MTUS2: variants seen among roughly 807,000 people sequenced by gnomAD.
MTUS2 encodes microtubule associated scaffold protein 2.
MTUS2 carries 40 observed loss-of-function variants against 114.1 expected under a neutral mutation model. The observed-to-expected ratio is 0.35, with a 90% confidence interval of 0.27 to 0.46. MTUS2 has a LOEUF of 0.46. Ranked by LOEUF, MTUS2 falls within the 20% of genes least tolerant of loss-of-function variation. The probability of loss-of-function intolerance (pLI) is 1.00; values close to 1 mark genes in which losing one functional copy is unlikely to be tolerated. For missense variants in MTUS2, 1,679 were observed against 1,705.4 expected (o/e 0.98, Z 0.27); for synonymous variants, 688 against 672.0 (o/e 1.02, Z -0.37).
intron 2 of MTUS2, among the ~76,000 whole-genome samples, chr13:28,881,001 A>G (rs763439519): frequency 2.2e-4 from 33 of 152,084 alleles, no homozygotes; most frequent in Admixed American, 1.3e-4. Flanking sequence ...TTTATTTTTA[A>G]TTTTTAGACT....
chr13:29,358,144 G>T (rs913779633), intron 7 of MTUS2, among the ~76,000 whole-genome samples: 1 of 152,180 alleles, frequency 6.6e-6, no homozygotes, highest in African/African-American at 2.4e-5. Context: ...TAGAGTGAAG[G>T]AAAGAACGTG....
intron 5 of MTUS2, among the ~76,000 whole-genome samples, chr13:29,123,728 A>G (rs1461782769): frequency 6.6e-6 from 1 of 152,044 alleles, no homozygotes; most frequent in Non-Finnish European, 1.5e-5. Flanking sequence ...ACACACACAC[A>G]CGCATACACA....
intron 5 of MTUS2, among the ~76,000 whole-genome samples, chr13:29,204,695 A>G (rs1045777249): frequency 9.9e-5 from 15 of 152,240 alleles, no homozygotes; most frequent in African/African-American, 3.4e-4. Context: ...CAGCTCAGGT[A>G]GCCGCCCATG....
chr13:29,376,932 A>G (rs1231208673), intron 8 of MTUS2, among the ~76,000 whole-genome samples: 1 of 137,480 alleles, frequency 7.3e-6, no homozygotes, highest in Non-Finnish European at 1.6e-5. Flanking sequence ...AAGGATGGAA[A>G]ACGATGTAAC....
intron 2 of MTUS2, among the ~76,000 whole-genome samples, chr13:28,891,468 C>T (rs543115628): frequency 2.1e-4 from 32 of 152,056 alleles, no homozygotes; most frequent in Non-Finnish European, 3.1e-4. Flanking sequence ...AATCGTAGGC[C>T]GTTGAACTGA....
chr13:29,426,025 C>A (rs1030334332), intron 8 of MTUS2, among the ~76,000 whole-genome samples: 12 of 152,298 alleles, frequency 7.9e-5, no homozygotes, highest in African/African-American at 2.9e-4. Flanking sequence ...GACGACTGAG[C>A]TGGAAGAAAG....
intron 9 of MTUS2, among the ~76,000 whole-genome samples, chr13:29,467,621 G>A (rs1332136267): frequency 6.6e-6 from 1 of 151,890 alleles, no homozygotes; most frequent in African/African-American, 2.4e-5. Flanking sequence ...TTCTCACTTG[G>A]ACAGCATTTT....
rs543807220 is a variant in MTUS2 at position 29,184,398 on chromosome 13, T to C, written c.2644+83428T>C. Among the ~76,000 whole-genome samples the C allele has an allele frequency of 2.0e-5, 3 of 152,284 alleles. No individual in the cohort carries two copies. The East Asian group carries it at 5.8e-4, about 29-fold the overall frequency. On this transcript the variant is annotated intron_variant, in intron 5 of 15. Coordinates refer to ENST00000612955, the MANE Select transcript of MTUS2 (RefSeq NM_001033602.4). ...CTTGAACATCATGCTCCTAGAAATCTAAAGACCATGCTTCTACCTAGGGCT... is the reference window on the plus strand; with the variant it reads ...CTTGAACATCATGCTCCTAGAAATCCAAAGACCATGCTTCTACCTAGGGCT...
chr13:29,092,965 G>C (rs4769001), intron 4 of MTUS2, among the ~76,000 whole-genome samples: 147,970 of 152,106 alleles, frequency 0.97, 72,041 homozygotes, highest in Non-Finnish European at 0.99. Context: ...TGTTCTCATG[G>C]AAGTGGGACG....
intron 4 of MTUS2, among the ~76,000 whole-genome samples, chr13:29,041,659 C>T (rs1887366727): frequency 6.6e-6 from 1 of 151,848 alleles, no homozygotes; most frequent in African/African-American, 2.4e-5. Flanking sequence ...GGTCTTTCCC[C>T]TCTTTGGTTA....
rs112778897 is a variant in MTUS2 at position 28,949,263 on chromosome 13, C to T, written c.-242-75194C>T. 8.2e-3 allele frequency among the ~76,000 whole-genome samples: 1,248 copies of T among 151,754 alleles called. 21 individuals are homozygous for T. Among genetic ancestry groups the T allele is most frequent in the African/African-American group, 0.028 (1,132 of 41,088 alleles). On this transcript the variant is annotated intron_variant, in intron 2 of 15. Coordinates refer to ENST00000612955, the MANE Select transcript of MTUS2 (RefSeq NM_001033602.4). ...TTTCTGTTGTGTATGGTTTGGGCAC[C>T]AGTTTAATGGGCAGCTAGTTTACCC...
chr13:29,503,251 T>G lies in MTUS2; in HGVS notation c.*45T>G. On this transcript the variant is annotated 3_prime_UTR_variant, in exon 16 of 16. Transcript: ENST00000612955. ...GGAGCTCCGGCTTCTCGTCCTCCGGTCTCCACCCTGAGGGAGCACCGACCC... is the reference window on the plus strand; with the variant it reads ...GGAGCTCCGGCTTCTCGTCCTCCGGGCTCCACCCTGAGGGAGCACCGACCC... 1 of 1,599,392 alleles carries G rather than the reference T, an allele frequency of 6.3e-7. No homozygotes were observed. Among genetic ancestry groups the G allele is most frequent in the Non-Finnish European group, 8.5e-7 (1 of 1,171,750 alleles).
At chr13:29,266,936 T>G (rs1247666913) in intron 5 of MTUS2, among the ~76,000 whole-genome samples, 1 of 152,138 alleles carries the variant, frequency 6.6e-6, no homozygotes, top group Non-Finnish European at 1.5e-5. Flanking sequence ...TGGGAAAGAT[T>G]CAGATACCAG....
chr13:29,174,222 A>G (rs1192574630), intron 5 of MTUS2, among the ~76,000 whole-genome samples: 1 of 152,158 alleles, frequency 6.6e-6, no homozygotes, highest in Non-Finnish European at 1.5e-5. Context: ...ATTTTGCGTA[A>G]GGTGGCATAT....
intron 2 of MTUS2, among the ~76,000 whole-genome samples, chr13:28,849,989 A>G (rs1026697192): frequency 1.3e-5 from 2 of 152,140 alleles, no homozygotes. Context: ...CATTCTATAG[A>G]AACCTCAGGT....
At chr13:29,395,621 C>T (rs567726583) in intron 8 of MTUS2, among the ~76,000 whole-genome samples, 1 of 152,320 alleles carries the variant, frequency 6.6e-6, no homozygotes, top group South Asian at 2.1e-4. Context: ...TTATGCATGG[C>T]AAGGCCAGGA....
chr13:29,187,161 G>T (rs533316479), intron 5 of MTUS2, among the ~76,000 whole-genome samples: 3 of 150,264 alleles, frequency 2.0e-5, no homozygotes, highest in South Asian at 2.1e-4. Context: ...ATATAAAAAA[G>T]ATTTCAAATC....
At chr13:29,372,516 A>AC (rs58969176) in intron 8 of MTUS2, among the ~76,000 whole-genome samples, 147,426 of 152,126 alleles carry the variant, frequency 0.97, 71,612 homozygotes, top group East Asian at 1. Flanking sequence ...TCAACACTCT[A>AC]CCTACACCTG....
chr13:29,078,641 T>G (rs114703361), intron 4 of MTUS2, among the ~76,000 whole-genome samples: 1,603 of 152,290 alleles, frequency 0.011, 26 homozygotes, highest in African/African-American at 0.037. Context: ...TAGCAGCCAC[T>G]CCCTCAAGCC....
Sources: allele counts gnomAD v4.1 joint callset (sites outside exome capture counted in the v4.1 genomes callset), GRCh38; gene constraint gnomAD v4.1.1; transcripts MANE v1.5; gene names NCBI Gene and HGNC (gene_info 2026-07-23, HGNC 2026-07-21).